FLT1: variants seen among roughly 807,000 people sequenced by gnomAD.
FLT1 encodes the protein vascular endothelial growth factor receptor 1.
In FLT1, 49 loss-of-function variants were observed where a neutral mutation model predicts 156.3. That is an observed-to-expected ratio of 0.31 (90% CI 0.25 to 0.40). FLT1 has a LOEUF of 0.40. Ranked by LOEUF, FLT1 falls within the 10% of genes least tolerant of loss-of-function variation. The pLI is 1.00. For missense variants in FLT1, 1,322 were observed against 1,637.2 expected (o/e 0.81, Z 3.32); for synonymous variants, 594 against 583.8 (o/e 1.02, Z -0.25).
At chr13:28,413,365 G>A (rs1015720802) in intron 10 of FLT1, among the ~76,000 whole-genome samples, 4 of 72,984 alleles carry the variant, frequency 5.5e-5, no homozygotes, top group Non-Finnish European at 8.4e-5. Flanking sequence ...CAATCTCCCC[G>A]CCCTCCACCC....
intron 14 of FLT1, among the ~76,000 whole-genome samples, chr13:28,367,711 A>G (rs537381884): frequency 1.3e-5 from 2 of 152,168 alleles, no homozygotes; most frequent in East Asian, 3.8e-4. Context: ...GTTCCCCCCC[A>G]CACACAAAAG....
chr13:28,307,170 C>T (rs1049871277), intron 28 of FLT1, among the ~76,000 whole-genome samples: 16 of 152,150 alleles, frequency 1.1e-4, no homozygotes, highest in Admixed American at 3.3e-4. Context: ...TCTAAGAAAT[C>T]GTAAAGACAT....
At position 28,301,039 on chromosome 13, in the gene FLT1, T is replaced by A; in HGVS notation, c.*2128A>T. The stretch of plus-strand genomic sequence containing the variant: ...TGAAGGAGCTGAGTAACAATTCTAA[T>A]GGTTTTGCTTTTCTCTTGAAAAGGA... On this transcript the variant is annotated 3_prime_UTR_variant, in exon 30 of 30. Coordinates refer to ENST00000282397, the MANE Select transcript of FLT1 (RefSeq NM_002019.4). The A allele has an allele frequency of 8.6e-6, 2 of 232,648 alleles. No individual in the cohort carries two copies. Among genetic ancestry groups the A allele is most frequent in the Non-Finnish European group, 8.5e-6 (1 of 117,696 alleles). The allele number at this position is 232,648 out of a possible 1,614,324, so 14.4% of individuals were successfully genotyped here. A position where few individuals can be genotyped will look rare whatever the true frequency, so the allele number is the denominator to read the frequency against.
chr13:28,357,868 C>CTTTTTTTTTTTTTTTTT (rs57304530), intron 14 of FLT1, among the ~76,000 whole-genome samples, 183 bp from the exon 15 acceptor site: 41 of 104,730 alleles, frequency 3.9e-4, no homozygotes, highest in African/African-American at 1.4e-3. Context: ...CTTTTCTTTC[C>CTTTTTTTTTTTTTTTTT]TTTTTTTTTT....
Position 28,329,703 on chromosome 13 carries a change from T to C in FLT1, c.2619A>G (p.Lys873=), listed in dbSNP as rs1222066094. ...LKEGATASEY[K]ALMTELKILT... is the part of the protein sequence containing the mutation. Reference sequence around the variant, plus strand: ...AGATTTTTAGCTCAGTCATCAGAGCTTTGTACTCGCTGGCCGTGGCCCCCT... The same window carrying C: ...AGATTTTTAGCTCAGTCATCAGAGCCTTGTACTCGCTGGCCGTGGCCCCCT... Residue 873 remains lysine, a synonymous_variant, in exon 19 of 30, where the codon AAA becomes AAG. Transcript: ENST00000282397. The C allele has an allele frequency of 1.2e-6, 2 of 1,614,068 alleles. No individual in the cohort carries two copies. Among genetic ancestry groups the C allele is most frequent in the Non-Finnish European group, 1.7e-6 (2 of 1,180,034 alleles).
chr13:28,416,000 C>T (rs931378053), intron 10 of FLT1, among the ~76,000 whole-genome samples: 5 of 152,162 alleles, frequency 3.3e-5, no homozygotes, highest in African/African-American at 1.2e-4. Flanking sequence ...CAGTGGGCAG[C>T]CCCAGAGCTG....
At chr13:28,409,519 G>C (rs898434235) in intron 10 of FLT1, among the ~76,000 whole-genome samples, 1 of 151,970 alleles carries the variant, frequency 6.6e-6, no homozygotes, top group African/African-American at 2.4e-5. Flanking sequence ...ATTTTTAGTG[G>C]AGATGGGGTT....
At chr13:28,444,739 T>C (rs368762250) in intron 3 of FLT1, among the ~76,000 whole-genome samples, 4 of 152,134 alleles carry the variant, frequency 2.6e-5, no homozygotes, top group African/African-American at 9.7e-5. Flanking sequence ...TTCACAAATA[T>C]GTGGAAATTG....
At chr13:28,361,203 C>T (rs547758898) in intron 14 of FLT1, among the ~76,000 whole-genome samples, 170 of 151,986 alleles carry the variant, frequency 1.1e-3, no homozygotes, top group African/African-American at 3.8e-3. Flanking sequence ...TGCTTGAAGC[C>T]GGGAGGCAGA....
rs1345706956 is a variant in FLT1, at chr13:28,369,585, AT to A, written c.2117-11901del. Reference sequence around the variant, plus strand: ...ATAAATGACACTAAAAAGATGAGTGATTTCAGTGCTTCTGAATGGTGACCAT... The same window carrying A: ...ATAAATGACACTAAAAAGATGAGTGATTCAGTGCTTCTGAATGGTGACCAT... On this transcript the variant is annotated intron_variant, in intron 14 of 29. Coordinates refer to ENST00000282397, the MANE Select transcript of FLT1 (RefSeq NM_002019.4). 9.2e-5 allele frequency among the ~76,000 whole-genome samples: 14 copies of A among 152,320 alleles called. No homozygotes were observed. In the East Asian group the frequency reaches 2.7e-3, roughly 29 times the overall value.
At chr13:28,418,938 T>C (rs977411016) in intron 10 of FLT1, among the ~76,000 whole-genome samples, 1 of 152,132 alleles carries the variant, frequency 6.6e-6, no homozygotes, top group Non-Finnish European at 1.5e-5. Context: ...GTTTTACTTA[T>C]GGGAAAATAG....
In FLT1 at chr13:28,433,893, T is replaced by A; in HGVS notation, c.739A>T (p.Thr247Ser). The A allele has an allele frequency of 6.2e-7, 1 of 1,613,132 alleles. No individual in the cohort carries two copies. The highest frequency in any genetic ancestry group is 1.1e-5 in the South Asian group (1 of 91,064). ...GTAGCAGTACAATTGAGGACAAGAG[T>A]ATGGCCTCTAAGTAATTTGACTGGG... Reference protein sequence around the residue: ...PRPVKLLRGHTLVLNCTATTP... With the variant: ...PRPVKLLRGHSLVLNCTATTP... Residue 247 changes from threonine (T) to serine (S), a missense_variant, in exon 6 of 30, where the codon ACT becomes TCT. Transcript: ENST00000282397.
At chr13:28,306,875 C>T in intron 28 of FLT1, 103 bp from the exon 29 acceptor site, 1 of 775,412 alleles carries the variant, frequency 1.3e-6, no homozygotes, top group South Asian at 1.4e-5. Flanking sequence ...CCAGGCTCTG[C>T]CTCACCCTCC....
intron 10 of FLT1, among the ~76,000 whole-genome samples, chr13:28,424,111 G>A (rs1429808978): frequency 6.6e-6 from 1 of 151,828 alleles, no homozygotes; most frequent in African/African-American, 2.4e-5. Flanking sequence ...GCTAATTTTT[G>A]TATTTTAAGT....
intron 10 of FLT1, among the ~76,000 whole-genome samples, chr13:28,416,379 A>T (rs1876648544): frequency 6.6e-6 from 1 of 152,196 alleles, no homozygotes; most frequent in Admixed American, 6.5e-5. Context: ...TTGACTAAAA[A>T]TGACTCATTT....
chr13:28,327,046 G>C (rs1227578693), intron 20 of FLT1, among the ~76,000 whole-genome samples: 1 of 152,222 alleles, frequency 6.6e-6, no homozygotes, highest in Non-Finnish European at 1.5e-5. Context: ...TCACTCAGTT[G>C]ATTTAGCCTT....
At chr13:28,324,450 C>A (rs941762769) in intron 20 of FLT1, among the ~76,000 whole-genome samples, 20 of 152,210 alleles carry the variant, frequency 1.3e-4, no homozygotes, top group African/African-American at 4.3e-4. Context: ...ACAGCCCTAA[C>A]CTAGTCTAAA....
At chr13:28,424,164 C>T (rs1224792200) in intron 10 of FLT1, among the ~76,000 whole-genome samples, 2 of 151,758 alleles carry the variant, frequency 1.3e-5, no homozygotes, top group Admixed American at 6.6e-5. Context: ...GTCTCAAACT[C>T]CCGACCTCAG....
At chr13:28,389,463 C>A (rs561013768) in intron 13 of FLT1, 8 of 1,325,774 alleles carry the variant, frequency 6.0e-6, no homozygotes, top group Non-Finnish European at 7.7e-6. Flanking sequence ...GCAAGAGCAA[C>A]AAACACAGAG....
Sources: gnomAD v4.1 joint callset for allele counts (sites outside exome capture counted in the v4.1 genomes callset) on GRCh38, gnomAD v4.1.1 for gene constraint, MANE v1.5 for transcripts, NCBI Gene and HGNC (gene_info 2026-07-23, HGNC 2026-07-21) for gene names.